The following PPM1H variants were observed in gnomAD, a reference collection of about 807,000 sequenced individuals.
PPM1H encodes the protein protein phosphatase, Mg2+/Mn2+ dependent 1H.
PPM1H carries 27 observed loss-of-function variants against 54.9 expected under a neutral mutation model. The ratio of observed to expected loss-of-function variants is 0.49; its 90% CI spans 0.36 to 0.68. The LOEUF (loss-of-function observed/expected upper bound fraction) is 0.68, where lower values mean the gene tolerates loss of function less well. PPM1H is among the 30% of genes least tolerant of loss of function. The pLI, the probability that PPM1H is intolerant of heterozygous loss-of-function variation, is 0.00. For synonymous variants in PPM1H, 305 were observed against 270.8 expected (o/e 1.13, Z -1.24); for missense variants, 596 against 667.8 (o/e 0.89, Z 1.19).
chr12:62,654,445 C>T (rs1448367011), intron 9 of PPM1H, among the ~76,000 whole-genome samples: 1 of 152,148 alleles, frequency 6.6e-6, no homozygotes, highest in Non-Finnish European at 1.5e-5. Context: ...TGTTGGCAGG[C>T]CACTGTGCAT....
At chr12:62,733,887 GA>G (rs1266131477) in intron 5 of PPM1H, among the ~76,000 whole-genome samples, 3 of 152,168 alleles carry the variant, frequency 2.0e-5, no homozygotes, top group Non-Finnish European at 2.9e-5. Context: ...AGCAACGTTA[GA>G]AATGGTTCTT....
intron 1 of PPM1H, among the ~76,000 whole-genome samples, chr12:62,871,053 C>T (rs1869958571): frequency 6.6e-6 from 1 of 152,156 alleles, no homozygotes; most frequent in African/African-American, 2.4e-5. Flanking sequence ...AATTCCACTC[C>T]TAGGTATGTA....
At chr12:62,897,220 G>A (rs1871020791) in intron 1 of PPM1H, among the ~76,000 whole-genome samples, 1 of 151,882 alleles carries the variant, frequency 6.6e-6, no homozygotes, top group South Asian at 2.1e-4. Context: ...TGCACATTGT[G>A]CACATGTACC....
At chr12:62,850,868 C>T (rs192317504) in intron 1 of PPM1H, 9 of 151,954 alleles carry the variant, frequency 5.9e-5, no homozygotes, top group South Asian at 2.1e-4. Flanking sequence ...AAACCACCTT[C>T]GTGATCATGT....
intron 1 of PPM1H, among the ~76,000 whole-genome samples, chr12:62,880,581 G>A (rs373638136): frequency 2.6e-5 from 4 of 152,110 alleles, no homozygotes; most frequent in Non-Finnish European, 4.4e-5. Flanking sequence ...CAGCACTCCC[G>A]ATTCCATTCT....
intron 8 of PPM1H, among the ~76,000 whole-genome samples, chr12:62,670,105 G>T (rs556182688): frequency 2.9e-4 from 42 of 146,392 alleles, no homozygotes; most frequent in African/African-American, 1.0e-3. Context: ...AGCCTCCCTA[G>T]TAGCTGGGAT....
intron 6 of PPM1H, among the ~76,000 whole-genome samples, chr12:62,696,186 G>C (rs1398373143): frequency 1.3e-5 from 2 of 152,154 alleles, no homozygotes; most frequent in African/African-American, 2.4e-5. Context: ...ATCACAAGCC[G>C]GGTCATTGAA....
In PPM1H at chr12:62,687,505, C is replaced by T. The variant is rs547907564; in HGVS notation, c.1245+2194G>A. ...GTCTCAAGCAATCCTCCTGCCTTAG[C>T]CGCCCAAAGTGCTGGGATTACAGGT... On this transcript the variant is annotated intron_variant, in intron 8 of 9. Coordinates refer to ENST00000228705, the MANE Select transcript of PPM1H (RefSeq NM_020700.2). Among the ~76,000 whole-genome samples the T allele has an allele frequency of 3.9e-5, 6 of 152,112 alleles. No individual in the cohort carries two copies. In the East Asian group the frequency reaches 9.7e-4, roughly 25 times the overall value.
intron 1 of PPM1H, among the ~76,000 whole-genome samples, chr12:62,909,982 G>T (rs958079349): frequency 6.6e-6 from 1 of 152,174 alleles, no homozygotes; most frequent in African/African-American, 2.4e-5. Flanking sequence ...AACATTAATT[G>T]CAGAGAGGTG....
intron 8 of PPM1H, among the ~76,000 whole-genome samples, chr12:62,669,459 G>T (rs182531573): frequency 1.3e-5 from 2 of 152,172 alleles, no homozygotes; most frequent in Admixed American, 6.5e-5. Context: ...TGCCAATGCT[G>T]CAGGTTCACA....
chr12:62,879,787 A>T (rs913682417), intron 1 of PPM1H, among the ~76,000 whole-genome samples: 8 of 152,182 alleles, frequency 5.3e-5, no homozygotes, highest in African/African-American at 1.2e-4. Flanking sequence ...TTAAAAAAAT[A>T]AAAAAAGAAT....
At chr12:62,857,886 G>A (rs546260951) in intron 1 of PPM1H, among the ~76,000 whole-genome samples, 7 of 152,224 alleles carry the variant, frequency 4.6e-5, no homozygotes, top group Middle Eastern at 3.4e-3. Context: ...AGGGTTTCAT[G>A]AGGGCAGTCA....
intron 8 of PPM1H, among the ~76,000 whole-genome samples, chr12:62,682,111 G>C (rs1428644155): frequency 6.6e-6 from 1 of 152,118 alleles, no homozygotes; most frequent in East Asian, 1.9e-4. Flanking sequence ...ATGGCCTCCA[G>C]GTTTTTTTGA....
intron 1 of PPM1H, among the ~76,000 whole-genome samples, chr12:62,907,428 G>C (rs544507354): frequency 9.9e-5 from 15 of 152,278 alleles, no homozygotes; most frequent in Admixed American, 5.9e-4. Flanking sequence ...CCTGTGTTCA[G>C]GTTTGCCACC....
chr12:62,854,044 ACAAAACAAAG>A (rs1226680944), intron 1 of PPM1H, among the ~76,000 whole-genome samples: 1 of 152,184 alleles, frequency 6.6e-6, no homozygotes, highest in Admixed American at 6.5e-5. Flanking sequence ...AGACCAAAAA[ACAAAACAAAG>A]CAAAACAAAA....
intron 1 of PPM1H, among the ~76,000 whole-genome samples, chr12:62,832,843 T>G (rs535197916): frequency 2.6e-5 from 4 of 152,336 alleles, no homozygotes; most frequent in African/African-American, 9.6e-5. Flanking sequence ...TTTAAAACTA[T>G]TTTTAACTCT....
chr12:62,782,552 A>C (rs1371917881), intron 4 of PPM1H, among the ~76,000 whole-genome samples: 1 of 152,202 alleles, frequency 6.6e-6, no homozygotes, highest in Non-Finnish European at 1.5e-5. Context: ...GTGACAATTC[A>C]TGGAATGCTA....
At chr12:62,746,488 C>A (rs375031993) in intron 4 of PPM1H, among the ~76,000 whole-genome samples, 3 of 152,190 alleles carry the variant, frequency 2.0e-5, no homozygotes, top group East Asian at 1.9e-4. Context: ...CCTACCACCA[C>A]GGACTGCCAG....
At chr12:62,690,843 G>A (rs974305675) in intron 7 of PPM1H, among the ~76,000 whole-genome samples, 4 of 152,056 alleles carry the variant, frequency 2.6e-5, no homozygotes, top group African/African-American at 9.7e-5. Flanking sequence ...ATGGTGGTGG[G>A]CACCTGTAAT....
Sources: gnomAD v4.1 joint callset for allele counts (sites outside exome capture counted in the v4.1 genomes callset) on GRCh38, gnomAD v4.1.1 for gene constraint, MANE v1.5 for transcripts, NCBI Gene and HGNC (gene_info 2026-07-23, HGNC 2026-07-21) for gene names.